ENTREP2: variants seen among roughly 807,000 people sequenced by gnomAD.
ENTREP2 encodes protein ENTREP2.
the ENTREP2 span, among the ~76,000 whole-genome samples, chr15:29,129,426 G>A: frequency 2.0e-5 from 3 of 152,210 alleles, no homozygotes; most frequent in South Asian, 2.1e-4. Context: ...AGAGCCACCT[G>A]AGCCTACGAG....
At chr15:29,554,202 T>C in the ENTREP2 span, among the ~76,000 whole-genome samples, 4 of 151,636 alleles carry the variant, frequency 2.6e-5, no homozygotes, top group East Asian at 7.8e-4. Context: ...TAATCCCAGG[T>C]ACTCAGGAGG....
the ENTREP2 span, among the ~76,000 whole-genome samples, chr15:29,535,260 A>G: frequency 6.6e-6 from 1 of 152,138 alleles, no homozygotes; most frequent in African/African-American, 2.4e-5. Flanking sequence ...CTAAAAAAAT[A>G]ATAATAAAAA....
chr15:29,138,675 C>CTATGTA, the ENTREP2 span, among the ~76,000 whole-genome samples: 1 of 144,950 alleles, frequency 6.9e-6, no homozygotes, highest in African/African-American at 2.6e-5. Context: ...GTGTGTGTCT[C>CTATGTA]TGTGTGTATG....
chr15:29,426,388 T>G, the ENTREP2 span, among the ~76,000 whole-genome samples: 1 of 152,224 alleles, frequency 6.6e-6, no homozygotes, highest in African/African-American at 2.4e-5. Context: ...CTGCTTTGTC[T>G]TGTTTAACGC....
the ENTREP2 span, among the ~76,000 whole-genome samples, chr15:29,364,098 T>G: frequency 6.6e-6 from 1 of 152,210 alleles, no homozygotes; most frequent in Admixed American, 6.5e-5. Flanking sequence ...TTCCTCTATT[T>G]TGTAGCTTCT....
the ENTREP2 span, among the ~76,000 whole-genome samples, chr15:29,627,143 T>C: frequency 1.8e-4 from 28 of 152,148 alleles, no homozygotes; most frequent in Non-Finnish European, 3.7e-4. Flanking sequence ...TGTCACAAAT[T>C]TCGATGTGAT....
chr15:29,410,130 T>C, the ENTREP2 span, among the ~76,000 whole-genome samples: 2 of 152,186 alleles, frequency 1.3e-5, no homozygotes, highest in Admixed American at 6.5e-5. Context: ...TCTTTGTTTG[T>C]ATGTTTGCTT....
At chr15:29,330,762 G>A in the ENTREP2 span, among the ~76,000 whole-genome samples, 2 of 152,156 alleles carry the variant, frequency 1.3e-5, no homozygotes, top group African/African-American at 2.4e-5. Flanking sequence ...ATAATGTAGC[G>A]ATATTGGCTC....
the ENTREP2 span, among the ~76,000 whole-genome samples, chr15:29,299,463 G>A: frequency 6.6e-6 from 1 of 152,142 alleles, no homozygotes; most frequent in Admixed American, 6.6e-5. Flanking sequence ...CTTCTTGACT[G>A]TTCCTTCAAC....
At chr15:29,614,630 A>G in the ENTREP2 span, among the ~76,000 whole-genome samples, 1 of 152,158 alleles carries the variant, frequency 6.6e-6, no homozygotes, top group South Asian at 2.1e-4. Flanking sequence ...TGTTTTCAAA[A>G]TAATTCTCCA....
At chr15:29,613,028 T>C in the ENTREP2 span, among the ~76,000 whole-genome samples, 121 of 152,080 alleles carry the variant, frequency 8.0e-4, no homozygotes, top group African/African-American at 2.9e-3. Context: ...TCATCCTAAC[T>C]CCCCCAGAAT....
At chr15:29,269,521 C>T in the ENTREP2 span, 6 of 1,538,684 alleles carry the variant, frequency 3.9e-6, no homozygotes, top group Non-Finnish European at 5.2e-6. Flanking sequence ...AGGCGAGGGG[C>T]CCTGCGACCC....
the ENTREP2 span, among the ~76,000 whole-genome samples, chr15:29,334,004 C>T: frequency 2.6e-5 from 4 of 152,098 alleles, no homozygotes; most frequent in African/African-American, 9.7e-5. Flanking sequence ...AGGAGGGAGA[C>T]CTGGAACAGA....
chr15:29,410,636 C>A, the ENTREP2 span, among the ~76,000 whole-genome samples: 1 of 152,206 alleles, frequency 6.6e-6, no homozygotes, highest in Non-Finnish European at 1.5e-5. Flanking sequence ...AGAGAGATTC[C>A]TGCTAGTCCT....
At chr15:29,234,500 T>C in the ENTREP2 span, 1 of 1,431,558 alleles carries the variant, frequency 7.0e-7, no homozygotes, top group Non-Finnish European at 9.9e-7. Context: ...TACTGAGCTA[T>C]AAGAACAACC....
At chr15:29,556,394 T>C in the ENTREP2 span, among the ~76,000 whole-genome samples, 1 of 152,052 alleles carries the variant, frequency 6.6e-6, no homozygotes, top group Non-Finnish European at 1.5e-5. Context: ...AATGATCAAA[T>C]GAGGCTCAGA....
At chr15:29,223,701 C>G in the ENTREP2 span, among the ~76,000 whole-genome samples, 1 of 152,128 alleles carries the variant, frequency 6.6e-6, no homozygotes, top group Admixed American at 6.5e-5. Context: ...TAGTGGCGCT[C>G]CTGGCCAGGG....
At chr15:29,651,157 A>C in the ENTREP2 span, among the ~76,000 whole-genome samples, 1 of 152,194 alleles carries the variant, frequency 6.6e-6, no homozygotes, top group Non-Finnish European at 1.5e-5. Context: ...CAACTAGAAG[A>C]CCCATGCACT....
At chr15:29,627,590 C>T in the ENTREP2 span, among the ~76,000 whole-genome samples, 172 of 151,074 alleles carry the variant, frequency 1.1e-3, no homozygotes, top group African/African-American at 4.0e-3. Flanking sequence ...TATCCATCTC[C>T]AGAATTTTTT....
Sources: gnomAD v4.1 joint callset for allele counts (sites outside exome capture counted in the v4.1 genomes callset) on GRCh38, gnomAD v4.1.1 for gene constraint, MANE v1.5 for transcripts, NCBI Gene and HGNC (gene_info 2026-07-23, HGNC 2026-07-21) for gene names.